Variants in ROBO2 observed in about 807,000 individuals in gnomAD.
ROBO2 encodes roundabout guidance receptor 2, also known as roundabout homolog 2.
ROBO2 carries 53 observed loss-of-function variants against 160.8 expected under a neutral mutation model. The observed-to-expected ratio is 0.33, with a 90% CI of 0.26 to 0.41. ROBO2 has a LOEUF of 0.41. Ranked by LOEUF, ROBO2 falls within the 10% of genes least tolerant of loss-of-function variation. The pLI is 1.00. For synonymous variants in ROBO2, 664 were observed against 611.7 expected (o/e 1.09, Z -1.26); for missense variants, 1,577 against 1,722.4 (o/e 0.92, Z 1.49).
intron 2 of ROBO2, among the ~76,000 whole-genome samples, chr3:76,863,445 AAG>A (rs1451368282): frequency 1.5e-3 from 160 of 109,618 alleles, no homozygotes; most frequent in African/African-American, 5.8e-3. Context: ...CTCAAAAAAA[AAG>A]AAAAAAGAAA....
chr3:76,518,232 C>G (rs537761219), intron 2 of ROBO2, among the ~76,000 whole-genome samples: 11 of 152,090 alleles, frequency 7.2e-5, no homozygotes, highest in African/African-American at 2.7e-4. Flanking sequence ...CCTGAAGGAC[C>G]CAGGCACTTT....
chr3:76,435,083 G>A, intron 2 of ROBO2: 1 of 1,044,346 alleles, frequency 9.6e-7, no homozygotes, highest in Non-Finnish European at 1.5e-6. Flanking sequence ...ACATGACATT[G>A]CAAATCAAGG....
chr3:77,154,191 A>C (rs2077776539), intron 2 of ROBO2, among the ~76,000 whole-genome samples: 1 of 152,158 alleles, frequency 6.6e-6, no homozygotes, highest in Admixed American at 6.6e-5. Context: ...ACTTGAAAAA[A>C]TACACATAGT....
intron 8 of ROBO2, 110 bp downstream of exon 9, chr3:77,551,099 A>T: frequency 8.5e-7 from 1 of 1,180,606 alleles, no homozygotes; most frequent in East Asian, 2.5e-5. Context: ...ATGTATGCTT[A>T]TCTTTTAAGT....
intron 2 of ROBO2, among the ~76,000 whole-genome samples, chr3:76,585,819 G>A (rs939631671): frequency 6.6e-6 from 1 of 152,044 alleles, no homozygotes; most frequent in Admixed American, 6.5e-5. Context: ...TCATTAGTTG[G>A]GAAAATGCCT....
chr3:76,349,120 T>G (rs2074717097), intron 2 of ROBO2, among the ~76,000 whole-genome samples: 1 of 152,126 alleles, frequency 6.6e-6, no homozygotes, highest in Non-Finnish European at 1.5e-5. Context: ...TCTGCATAAG[T>G]GTCTATTCCT....
At chr3:76,622,177 C>G (rs2089144772) in intron 2 of ROBO2, among the ~76,000 whole-genome samples, 1 of 135,840 alleles carries the variant, frequency 7.4e-6, no homozygotes, top group Non-Finnish European at 1.6e-5. Context: ...GACCTCATAT[C>G]TACTAAAAAA....
At chr3:76,592,780 G>A (rs968194040) in intron 2 of ROBO2, among the ~76,000 whole-genome samples, 5 of 151,976 alleles carry the variant, frequency 3.3e-5, no homozygotes, top group Non-Finnish European at 5.9e-5. Context: ...TGAATACTCT[G>A]GGAAAGAATC....
At chr3:76,011,172 C>T (rs899241808) in intron 2 of ROBO2, among the ~76,000 whole-genome samples, 7 of 152,164 alleles carry the variant, frequency 4.6e-5, no homozygotes, top group African/African-American at 1.7e-4. Flanking sequence ...ATGCTATCAT[C>T]TGTGTGCCTT....
chr3:76,947,043 T>C (rs998919286), intron 2 of ROBO2, among the ~76,000 whole-genome samples: 1 of 152,212 alleles, frequency 6.6e-6, no homozygotes, highest in Admixed American at 6.5e-5. Flanking sequence ...TGTTACTCCA[T>C]CTTGGCTTGA....
At chr3:76,771,016 G>A (rs2061872506) in intron 2 of ROBO2, among the ~76,000 whole-genome samples, 1 of 151,256 alleles carries the variant, frequency 6.6e-6, no homozygotes, top group East Asian at 2.0e-4. Context: ...ATACTGAGAT[G>A]TTTTCTACCT....
chr3:76,157,941 T>G (rs1173704300), intron 2 of ROBO2, among the ~76,000 whole-genome samples: 5 of 152,134 alleles, frequency 3.3e-5, no homozygotes, highest in Non-Finnish European at 5.9e-5. Context: ...CCATATCAGA[T>G]AGGAAATTCA....
At chr3:76,042,080 A>G (rs1181511173) in intron 2 of ROBO2, among the ~76,000 whole-genome samples, 1 of 151,784 alleles carries the variant, frequency 6.6e-6, no homozygotes, top group Non-Finnish European at 1.5e-5. Context: ...AACAAATTAA[A>G]GATGAATTAA....
At chr3:77,522,992 T>A in intron 6 of ROBO2, 90 bp downstream of exon 6, 1 of 1,490,576 alleles carries the variant, frequency 6.7e-7, no homozygotes, top group Non-Finnish European at 9.3e-7. Context: ...AATAATGAAT[T>A]ATGCTGTTTT....
At chr3:77,150,885 A>G (rs956237626) in intron 2 of ROBO2, among the ~76,000 whole-genome samples, 3 of 152,186 alleles carry the variant, frequency 2.0e-5, no homozygotes, top group South Asian at 2.1e-4. Context: ...TTTGGAAACT[A>G]CAATTGGCAG....
At chr3:77,485,618 C>A (rs1235196311) in intron 4 of ROBO2, among the ~76,000 whole-genome samples, 1 of 151,950 alleles carries the variant, frequency 6.6e-6, no homozygotes, top group Non-Finnish European at 1.5e-5. Flanking sequence ...TTAAATTTTT[C>A]TTTGTCAAAC....
At chr3:76,149,927 C>G (rs2106832936) in intron 2 of ROBO2, among the ~76,000 whole-genome samples, 1 of 151,178 alleles carries the variant, frequency 6.6e-6, no homozygotes, top group South Asian at 2.1e-4. Context: ...CTAAAGCACA[C>G]ATCTGTCTAA....
chr3:76,551,499 A>G (rs2083420148), intron 2 of ROBO2, among the ~76,000 whole-genome samples: 1 of 152,058 alleles, frequency 6.6e-6, no homozygotes. Flanking sequence ...CAGGACTGAA[A>G]AAGCTGTAAC....
At chr3:76,146,423 G>C (rs1329896656) in intron 2 of ROBO2, among the ~76,000 whole-genome samples, 1 of 151,688 alleles carries the variant, frequency 6.6e-6, no homozygotes, top group Non-Finnish European at 1.5e-5. Flanking sequence ...CATACTTCCT[G>C]CTCTGAACAA....
Sources: allele counts gnomAD v4.1 joint callset (sites outside exome capture counted in the v4.1 genomes callset), GRCh38; gene constraint gnomAD v4.1.1; transcripts MANE v1.5; gene names NCBI Gene and HGNC (gene_info 2026-07-23, HGNC 2026-07-21).